CEACAM7: variants seen among roughly 807,000 people sequenced by gnomAD.
CEACAM7 encodes the protein cell adhesion molecule CEACAM7.
Under a neutral mutation model 25.7 loss-of-function variants are expected in CEACAM7, and 24 were observed. The observed-to-expected ratio is 0.93, with a 90% CI of 0.68 to 1.31. The LOEUF (loss-of-function observed/expected upper bound fraction) is 1.31. Among genes scored for constraint, CEACAM7 ranks in the 40% most tolerant of loss-of-function variants. The pLI, the probability that CEACAM7 is intolerant of heterozygous loss-of-function variation, is 0.00. For synonymous variants in CEACAM7, 144 were observed against 129.4 expected (o/e 1.11, Z -0.77); for missense variants, 324 against 330.1 (o/e 0.98, Z 0.14).
At chr19:41,678,287 T>A (rs1000525458) in intron 3 of CEACAM7, among the ~76,000 whole-genome samples, 2 of 151,648 alleles carry the variant, frequency 1.3e-5, no homozygotes, top group Non-Finnish European at 2.9e-5. Context: ...CCAGTGGACT[T>A]TTTGTGTAAT....
At chr19:41,686,394 C>G (rs973103111) in intron 2 of CEACAM7, among the ~76,000 whole-genome samples, 31 of 152,160 alleles carry the variant, frequency 2.0e-4, no homozygotes, top group Non-Finnish European at 2.9e-5. Context: ...AATCCTTGCT[C>G]TCAGTCAGTT....
chr19:41,678,040 C>CT (rs1183070055), intron 3 of CEACAM7, among the ~76,000 whole-genome samples: 16 of 152,084 alleles, frequency 1.1e-4, no homozygotes, highest in African/African-American at 3.9e-4. Flanking sequence ...CTAAAACTTT[C>CT]TTTTTTTTCT....
rs1409704535 is a variant in CEACAM7 at position 41,687,076 on chromosome 19, C to G, written c.210G>C (p.Gly70=). ...QNLYGYNWYK[G]ERVHANYRII... ...TTCGATAGTTGGCATGCACCCTTTC[C>G]CCTTTGTACCAGTTGTAGCCATAAA... is the stretch of plus-strand genomic sequence containing the variant. The change falls in exon 2 of 5, where the codon GGG becomes GGC. Residue 70 remains glycine (G), a synonymous_variant. Coordinates refer to ENST00000401731, the MANE Select transcript of CEACAM7 (RefSeq NM_001291485.2). The G allele has an allele frequency of 6.2e-7, 1 of 1,614,046 alleles. No homozygotes were observed. The highest frequency in any genetic ancestry group is 1.3e-5 in the African/African-American group (1 of 74,982).
At position 41,683,831 on chromosome 19, in the gene CEACAM7, G is replaced by A. The variant is rs781864443; in HGVS notation, c.660C>T (p.Asn220=). The A allele has an allele frequency of 6.2e-7, 1 of 1,614,184 alleles. No individual in the cohort carries two copies. The change falls in exon 3 of 5, where the codon AAC becomes AAT. Residue 220 remains asparagine, a synonymous_variant. Coordinates refer to ENST00000401731, the MANE Select transcript of CEACAM7 (RefSeq NM_001291485.2). ...DIGPYECEIQ[N]PVGASRSDPV... ...GGTCACTGCGGCTGGCACCCACTGG[G>A]TTCTGTATTTCACATTCATAGGGTC... is the stretch of plus-strand genomic sequence containing the variant.
At chr19:41,676,760 A>T (rs2072117599) in intron 4 of CEACAM7, among the ~76,000 whole-genome samples, 1 of 152,188 alleles carries the variant, frequency 6.6e-6, no homozygotes, top group Non-Finnish European at 1.5e-5. Flanking sequence ...CAGGTGGTGG[A>T]GGAAGGTTAC....
chr19:41,681,469 T>C (rs1366165149), intron 3 of CEACAM7, among the ~76,000 whole-genome samples: 1 of 152,128 alleles, frequency 6.6e-6, no homozygotes, highest in Non-Finnish European at 1.5e-5. Flanking sequence ...TGAAAAGATA[T>C]TTATACACCC....
chr19:41,687,474 A>C (rs1397416473), intron 1 of CEACAM7, among the ~76,000 whole-genome samples: 2 of 152,164 alleles, frequency 1.3e-5, no homozygotes, highest in South Asian at 4.1e-4. Context: ...ACCTGCTTAC[A>C]TCAGGGCATC....
At chr19:41,680,090 G>A (rs2072159795) in intron 3 of CEACAM7, among the ~76,000 whole-genome samples, 1 of 148,658 alleles carries the variant, frequency 6.7e-6, no homozygotes, top group South Asian at 2.1e-4. Context: ...AAAGTGCTGG[G>A]ATTACATGTG....
chr19:41,678,315 ATATGTATATGTATATG>A (rs2072137427), intron 3 of CEACAM7, among the ~76,000 whole-genome samples: 5 of 34,140 alleles, frequency 1.5e-4, no homozygotes, highest in African/African-American at 3.6e-4. Context: ...TCTCCCATGT[ATATGTATATGTATATG>A]TATATGTATA....
At chr19:41,686,491 GT>G (rs1375486627) in intron 2 of CEACAM7, among the ~76,000 whole-genome samples, 3 of 152,150 alleles carry the variant, frequency 2.0e-5, no homozygotes, top group Non-Finnish European at 4.4e-5. Flanking sequence ...TCTGGGACTT[GT>G]GCTTCCAGGG....
rs533229698 is a variant in CEACAM7 at position 41,685,355 on chromosome 19, G to A, written c.428-1292C>T. ...GGGATCTTGCTATGTTGCCCAGGCTGGTCTTGAACTCCTGGGCTCAAGACA... is the reference window on the plus strand; with the variant it reads ...GGGATCTTGCTATGTTGCCCAGGCTAGTCTTGAACTCCTGGGCTCAAGACA... On this transcript the variant is annotated intron_variant, in intron 2 of 4. Transcript: ENST00000401731. Among the ~76,000 whole-genome samples, 418 of 112,926 alleles carry A rather than the reference G, an allele frequency of 3.7e-3. 2 individuals are homozygous for A. Among genetic ancestry groups the A allele is most frequent in the African/African-American group, 0.011 (380 of 33,296 alleles). The allele number at this position is 112,926 out of a possible 152,430, so 74.1% of individuals were successfully genotyped here.
At position 41,684,001 on chromosome 19, in the gene CEACAM7, C is replaced by T. The variant is rs782645793; in HGVS notation, c.490G>A (p.Val164Met). 8.1e-6 allele frequency: 13 copies of T among 1,614,158 alleles called. No individual in the cohort carries two copies. In the South Asian group the frequency reaches 1.4e-4, roughly 18 times the overall value. ...NFNPVENKDIVVLTCQPETQN... is the reference protein window; with the variant it reads ...NFNPVENKDIMVLTCQPETQN... ...GTCTCAGGTTGACAGGTTAAAACCA[C>T]AATATCTTTGTTCTCCACCGGATTG... The change falls in exon 3 of 5, where the codon GTG (valine) becomes ATG (methionine). Residue 164 changes from valine (V) to methionine (M), a missense_variant. Val to Met is a conservative substitution (Grantham distance 21). Transcript: ENST00000401731.
intron 3 of CEACAM7, among the ~76,000 whole-genome samples, chr19:41,682,052 C>T (rs2072181075): frequency 6.6e-6 from 1 of 152,090 alleles, no homozygotes; most frequent in South Asian, 2.1e-4. Context: ...CTGAAGTGGT[C>T]CTCCCGCCTC....
chr19:41,675,795 G>A (rs1434502404), intron 4 of CEACAM7, among the ~76,000 whole-genome samples: 2 of 152,158 alleles, frequency 1.3e-5, no homozygotes, highest in Non-Finnish European at 2.9e-5. Flanking sequence ...TATTTCTGTG[G>A]CATGTAACAC....
chr19:41,683,321 T>A (rs1031468109), intron 3 of CEACAM7, among the ~76,000 whole-genome samples: 2 of 152,184 alleles, frequency 1.3e-5, no homozygotes, highest in African/African-American at 4.8e-5. Context: ...AGAGGCCACA[T>A]GGATGAAGAG....
At chr19:41,684,477 T>C (rs1257392251) in intron 2 of CEACAM7, among the ~76,000 whole-genome samples, 1 of 152,160 alleles carries the variant, frequency 6.6e-6, no homozygotes, top group Non-Finnish European at 1.5e-5. Flanking sequence ...CTCTGAGCCT[T>C]TTTTTTCCAA....
chr19:41,680,027 T>A (rs2072158554), intron 3 of CEACAM7, among the ~76,000 whole-genome samples: 2 of 137,370 alleles, frequency 1.5e-5, no homozygotes, highest in Non-Finnish European at 3.1e-5. Context: ...ACCATATTGG[T>A]CAGGCTGGTC....
In CEACAM7 at chr19:41,687,115, A is replaced by C. The variant is rs782800870; in HGVS notation, c.171T>G (p.Asn57Lys). The change falls in exon 2 of 5, where the codon AAT becomes AAG. Residue 57 changes from asparagine (N) to lysine (K), a missense_variant. Physicochemically the swap from Asn to Lys is moderately conservative, Grantham distance 94. Transcript: ENST00000401731. ...TGTAGCCATAAAGATTCTGGGACTC[A>C]TTATGGACTACTAGAAGGACCTCCT... ...EGKEVLLVVH[N>K]ESQNLYGYNW... is the part of the protein sequence containing the mutation. 8 of 1,614,018 alleles carry C rather than the reference A, an allele frequency of 5.0e-6. No homozygotes were observed. In the African/African-American group the frequency reaches 1.1e-4, roughly 22 times the overall value.
Position 41,683,967 on chromosome 19 carries a change from G to A in CEACAM7, c.524C>T (p.Thr175Ile), listed in dbSNP as rs1555810945. The change falls in exon 3 of 5, where the codon ACA becomes ATA. Residue 175 changes from threonine (T) to isoleucine (I), a missense_variant. Physicochemically the swap from Thr to Ile is moderately conservative, Grantham distance 89. Coordinates refer to ENST00000401731, the MANE Select transcript of CEACAM7 (RefSeq NM_001291485.2). ...ATTGTTTACCCACCACAGGTAGGTT[G>A]TGTTCTGAGTCTCAGGTTGACAGGT... Reference protein sequence around the residue: ...VLTCQPETQNTTYLWWVNNQS... With the variant: ...VLTCQPETQNITYLWWVNNQS... 1 of 1,614,202 alleles carries A rather than the reference G, an allele frequency of 6.2e-7. No homozygotes were observed. The highest frequency in any genetic ancestry group is 1.1e-5 in the South Asian group (1 of 91,084).
Sources: gnomAD v4.1 joint callset for allele counts (sites outside exome capture counted in the v4.1 genomes callset) on GRCh38, gnomAD v4.1.1 for gene constraint, MANE v1.5 for transcripts, NCBI Gene and HGNC (gene_info 2026-07-23, HGNC 2026-07-21) for gene names.